Variants in NMNAT3 observed in about 807,000 individuals in gnomAD.
The protein encoded by NMNAT3 is nicotinamide/nicotinic acid mononucleotide adenylyltransferase 3.
In NMNAT3, 21 loss-of-function variants were observed where a neutral mutation model predicts 24.8. The observed-to-expected ratio is 0.85, with a 90% confidence interval of 0.60 to 1.22. The LOEUF is 1.22. Among genes scored for constraint, NMNAT3 ranks in the 50% most tolerant of loss-of-function variants. The pLI is 0.00. For missense variants in NMNAT3, 387 were observed against 436.6 expected (o/e 0.89, Z 1.01); for synonymous variants, 136 against 155.2 (o/e 0.88, Z 0.92).
chr3:139,674,463 C>A (rs951397125), intron 1 of NMNAT3, among the ~76,000 whole-genome samples: 1 of 152,078 alleles, frequency 6.6e-6, no homozygotes, highest in East Asian at 1.9e-4. Context: ...GATAAACGAG[C>A]AAAGACAGAC....
At chr3:139,583,564 T>C in intron 3 of NMNAT3, 1 of 733,712 alleles carries the variant, frequency 1.4e-6, no homozygotes, top group Non-Finnish European at 2.5e-6. Context: ...CTTCACTTCA[T>C]TTGAGAAATA....
chr3:139,639,606 T>C (rs1195833265), intron 1 of NMNAT3, among the ~76,000 whole-genome samples: 4 of 152,220 alleles, frequency 2.6e-5, no homozygotes, highest in Non-Finnish European at 4.4e-5. Flanking sequence ...ATGGGTATCA[T>C]GTGGCCATCT....
chr3:139,609,889 G>A (rs547098093), intron 3 of NMNAT3: 4 of 152,172 alleles, frequency 2.6e-5, no homozygotes, highest in African/African-American at 9.6e-5. Context: ...AGAACTCCTG[G>A]GCTCAAGCGA....
chr3:139,591,402 G>A (rs1270299225), intron 3 of NMNAT3, among the ~76,000 whole-genome samples: 6 of 152,104 alleles, frequency 3.9e-5, no homozygotes, highest in Non-Finnish European at 7.4e-5. Context: ...AGGGGCGCCC[G>A]CCATTGCCCA....
In NMNAT3 at chr3:139,624,351, G is replaced by C. The variant is rs371548883; in HGVS notation, c.109+3265C>G. On this transcript the variant is annotated intron_variant, in intron 3 of 6. Coordinates refer to ENST00000643695, the MANE Select transcript of NMNAT3 (RefSeq NM_001320510.2). ...TATGTTATTTTATTTCCATATTTGGGGATCTTTCGGAGATCTTTCTGTTAT... is the reference window on the plus strand; with the variant it reads ...TATGTTATTTTATTTCCATATTTGGCGATCTTTCGGAGATCTTTCTGTTAT... Among the ~76,000 whole-genome samples the C allele has an allele frequency of 5.9e-5, 9 of 151,780 alleles. No homozygotes were observed. In the East Asian group the frequency reaches 1.7e-3, roughly 29 times the overall value.
At chr3:139,624,785 G>A (rs1257592436) in intron 3 of NMNAT3, among the ~76,000 whole-genome samples, 1 of 152,060 alleles carries the variant, frequency 6.6e-6, no homozygotes, top group East Asian at 1.9e-4. Context: ...GGCTTATTTT[G>A]GTAAATGTTC....
At chr3:139,623,425 T>C (rs1049659807) in intron 3 of NMNAT3, among the ~76,000 whole-genome samples, 1 of 152,190 alleles carries the variant, frequency 6.6e-6, no homozygotes, top group Non-Finnish European at 1.5e-5. Flanking sequence ...CCTGAGGCTC[T>C]TTTACAGTTA....
chr3:139,662,132 G>A (rs1167224003), intron 1 of NMNAT3, among the ~76,000 whole-genome samples: 2 of 152,094 alleles, frequency 1.3e-5, no homozygotes, highest in East Asian at 3.9e-4. Context: ...TGGAGATATG[G>A]GGGCTCTCAT....
chr3:139,647,997 A>C (rs2056925166), intron 1 of NMNAT3, among the ~76,000 whole-genome samples: 1 of 152,214 alleles, frequency 6.6e-6, no homozygotes, highest in Non-Finnish European at 1.5e-5. Context: ...TCCTGCCTGC[A>C]GCAAGTGGAA....
chr3:139,649,564 T>C (rs537474429), intron 1 of NMNAT3, among the ~76,000 whole-genome samples: 2 of 152,262 alleles, frequency 1.3e-5, no homozygotes, highest in African/African-American at 4.8e-5. Flanking sequence ...AAATTCTATA[T>C]GATGATGCTT....
chr3:139,649,151 A>C (rs1191982858), intron 1 of NMNAT3, among the ~76,000 whole-genome samples: 1 of 152,192 alleles, frequency 6.6e-6, no homozygotes, highest in Non-Finnish European at 1.5e-5. Context: ...ATGAAAATGC[A>C]ATAAAGATAC....
intron 1 of NMNAT3, among the ~76,000 whole-genome samples, chr3:139,668,981 G>A (rs1284747120): frequency 6.6e-6 from 1 of 152,172 alleles, no homozygotes; most frequent in Non-Finnish European, 1.5e-5. Context: ...GAAAGCATAT[G>A]AATTTTAACA....
At chr3:139,591,398 GC>G (rs1280386950) in intron 3 of NMNAT3, among the ~76,000 whole-genome samples, 1 of 152,146 alleles carries the variant, frequency 6.6e-6, no homozygotes, top group African/African-American at 2.4e-5. Context: ...GGGAAGGGGC[GC>G]CCGCCATTGC....
At chr3:139,614,424 T>C (rs1485509311) in intron 3 of NMNAT3, among the ~76,000 whole-genome samples, 1 of 152,214 alleles carries the variant, frequency 6.6e-6, no homozygotes, top group Non-Finnish European at 1.5e-5. Context: ...AGAAACCTAC[T>C]GTTGCCTCTC....
At chr3:139,666,739 A>T (rs933007015) in intron 1 of NMNAT3, among the ~76,000 whole-genome samples, 1 of 151,622 alleles carries the variant, frequency 6.6e-6, no homozygotes, top group African/African-American at 2.4e-5. Context: ...TACCAGCCTC[A>T]CCCCTCCCCA....
chr3:139,584,872 G>A (rs1414949518), intron 3 of NMNAT3, among the ~76,000 whole-genome samples: 1 of 151,974 alleles, frequency 6.6e-6, no homozygotes, highest in Non-Finnish European at 1.5e-5. Context: ...TTTTTTGTCT[G>A]CCTCTTTTAT....
intron 1 of NMNAT3, among the ~76,000 whole-genome samples, chr3:139,663,286 G>A (rs925547775): frequency 6.6e-6 from 1 of 152,144 alleles, no homozygotes; most frequent in African/African-American, 2.4e-5. Flanking sequence ...AAGCATATTT[G>A]TGATTAGATT....
At chr3:139,574,928 G>C (rs1482720412) in intron 5 of NMNAT3, among the ~76,000 whole-genome samples, 1 of 152,192 alleles carries the variant, frequency 6.6e-6, no homozygotes. Flanking sequence ...GGTAGCTCTG[G>C]AGTCTTGGTG....
intron 3 of NMNAT3, among the ~76,000 whole-genome samples, chr3:139,626,385 GT>G (rs2056052520): frequency 6.6e-6 from 1 of 151,788 alleles, no homozygotes; most frequent in Non-Finnish European, 1.5e-5. Context: ...TGTCTAATCT[GT>G]TTTTTATTCT....
Sources: gnomAD v4.1 joint callset for allele counts (sites outside exome capture counted in the v4.1 genomes callset) on GRCh38, gnomAD v4.1.1 for gene constraint, MANE v1.5 for transcripts, NCBI Gene and HGNC (gene_info 2026-07-23, HGNC 2026-07-21) for gene names.